Variants in MICAL3 observed in about 807,000 individuals in gnomAD.
MICAL3 encodes [F-actin]-monooxygenase MICAL3.
In MICAL3, 62 loss-of-function variants were observed where a neutral mutation model predicts 207.4. The ratio of observed to expected loss-of-function variants is 0.30; its 90% CI spans 0.24 to 0.37. The LOEUF is 0.37. Ranked by LOEUF, MICAL3 falls within the 10% of genes least tolerant of loss-of-function variation. MICAL3 has a pLI of 1.00. For synonymous variants in MICAL3, 1,077 were observed against 1,069.3 expected, an observed-to-expected ratio of 1.01 and a Z score of -0.14; for missense variants, 2,368 against 2,635.6, an observed-to-expected ratio of 0.90 and a Z score of 2.22.
intron 15 of MICAL3, 44 bp downstream of exon 15, chr22:17,887,123 GGGC>G (rs1569116359): frequency 6.9e-7 from 1 of 1,448,986 alleles, no homozygotes; most frequent in Non-Finnish European, 9.7e-7. Context: ...TAACCAAAAG[GGGC>G]TATTCCACAT....
At chr22:17,937,473 G>A (rs572571397) in intron 1 of MICAL3, among the ~76,000 whole-genome samples, 2 of 152,228 alleles carry the variant, frequency 1.3e-5, no homozygotes, top group Non-Finnish European at 2.9e-5. Flanking sequence ...AGACCAGCCT[G>A]ACCAACATGG....
In MICAL3 at chr22:17,900,090, C is replaced by A. The variant is rs1931192807; in HGVS notation, c.848-542G>T. Among the ~76,000 whole-genome samples the A allele has an allele frequency of 6.6e-6, 1 of 152,200 alleles. No individual in the cohort carries two copies. Among genetic ancestry groups the A allele is most frequent in the African/African-American group, 2.4e-5 (1 of 41,442 alleles). ...GTTGATCTATTCAAAACCTATCATA[C>A]AACAATCTCATCGCTATCTGACACA... On this transcript the variant is annotated intron_variant, in intron 6 of 31. Transcript: ENST00000441493. This position sits in a 1 kb window ranked among gnomAD's most constrained non-coding sequence, Gnocchi z 4.0.
chr22:18,011,489 GGTGAGCCGAGATCACTTGCA>G (rs1218561412), intron 1 of MICAL3, among the ~76,000 whole-genome samples: 3 of 151,820 alleles, frequency 2.0e-5, no homozygotes, highest in Non-Finnish European at 4.4e-5. Flanking sequence ...CGGAGGTTGC[GGTGAGCCGAGATCACTTGCA>G]GTGAGCCGAG....
chr22:17,804,441 T>C (rs998201396), intron 29 of MICAL3, among the ~76,000 whole-genome samples: 7 of 152,248 alleles, frequency 4.6e-5, no homozygotes, highest in African/African-American at 1.4e-4. Flanking sequence ...AAGGGGATCC[T>C]GTTTCGAGGC....
intron 1 of MICAL3, among the ~76,000 whole-genome samples, chr22:17,976,582 TATATATA>T (rs199822419): frequency 0.015 from 1,480 of 96,606 alleles, 26 homozygotes; most frequent in Non-Finnish European, 0.018. Context: ...TATATATATA[TATATATA>T]TTTTTTTTTT....
intron 1 of MICAL3, among the ~76,000 whole-genome samples, chr22:17,982,455 G>A (rs938013330): frequency 2.1e-4 from 32 of 152,198 alleles, no homozygotes; most frequent in African/African-American, 4.8e-4. Flanking sequence ...GGTGGATCAC[G>A]AGGAAAGGAG....
chr22:17,831,783 C>A (rs1321280894), intron 21 of MICAL3, 71 bp downstream of exon 21: 5 of 1,510,580 alleles, frequency 3.3e-6, no homozygotes, highest in Middle Eastern at 2.4e-4. Flanking sequence ...CCAGAAACCT[C>A]TTACACTCAC....
intron 1 of MICAL3, among the ~76,000 whole-genome samples, chr22:17,914,911 C>A (rs921653019): frequency 1.6e-4 from 24 of 152,240 alleles, no homozygotes; most frequent in African/African-American, 5.3e-4. Context: ...CCTAATACTA[C>A]TCCATCCATT....
intron 21 of MICAL3, among the ~76,000 whole-genome samples, 189 bp from the exon 22 acceptor site, chr22:17,827,970 GAC>G (rs1341589843): frequency 1.3e-5 from 2 of 151,874 alleles, no homozygotes; most frequent in Non-Finnish European, 2.9e-5. Context: ...TGGACACACA[GAC>G]ACACACGCAC....
Position 17,791,080 on chromosome 22 carries a change from G to A in MICAL3, c.5751-9C>T, listed in dbSNP as rs1292114657. On this transcript the variant is annotated splice_polypyrimidine_tract_variant and intron_variant, in intron 30 of 31. Transcript: ENST00000441493. ...GCTCCAGCTCCCGGGCACTGAGGAG[G>A]CAGGGCAGGAGGGAGACAAGCCACA... is the stretch of plus-strand genomic sequence containing the variant. The A allele has an allele frequency of 1.2e-6, 2 of 1,610,456 alleles. No individual in the cohort carries two copies. Among genetic ancestry groups the A allele is most frequent in the African/African-American group, 2.7e-5 (2 of 74,880 alleles).
At chr22:17,812,302 A>G (rs971686282) in intron 27 of MICAL3, among the ~76,000 whole-genome samples, 1 of 152,028 alleles carries the variant, frequency 6.6e-6, no homozygotes, top group Non-Finnish European at 1.5e-5. Context: ...GACCACATGC[A>G]CTCCAGCCGG....
At chr22:17,980,638 G>C (rs569643113) in intron 1 of MICAL3, among the ~76,000 whole-genome samples, 1 of 152,330 alleles carries the variant, frequency 6.6e-6, no homozygotes, top group Admixed American at 6.5e-5. Flanking sequence ...TGGCAACGGA[G>C]AAAAGGAGGC....
intron 1 of MICAL3, among the ~76,000 whole-genome samples, chr22:17,998,938 A>G (rs1922624069): frequency 6.6e-6 from 1 of 152,236 alleles, no homozygotes; most frequent in South Asian, 2.1e-4. Flanking sequence ...TTTCTAGAAC[A>G]TTAGATTTGA....
chr22:17,794,385 C>T (rs1294798472), intron 29 of MICAL3, among the ~76,000 whole-genome samples: 1 of 152,262 alleles, frequency 6.6e-6, no homozygotes, highest in Non-Finnish European at 1.5e-5. Context: ...AAGATGTCAC[C>T]ACAGGTATGT....
At chr22:18,000,822 C>T (rs1165718298) in intron 1 of MICAL3, among the ~76,000 whole-genome samples, 1 of 152,206 alleles carries the variant, frequency 6.6e-6, no homozygotes, top group Non-Finnish European at 1.5e-5. Context: ...CGCAGGAGCC[C>T]ACGCTTGGCG....
chr22:18,023,679 AGCTGCGCCGGCGCAGCGC>A, intron 1 of MICAL3, among the ~76,000 whole-genome samples: 1 of 152,284 alleles, frequency 6.6e-6, no homozygotes, highest in Non-Finnish European at 1.5e-5. Context: ...CACGCCCGGG[AGCTGCGCCGGCGCAGCGC>A]GCCCTGCAGC....
intron 1 of MICAL3, among the ~76,000 whole-genome samples, chr22:18,015,103 C>CATTT (rs1457078296): frequency 6.6e-6 from 1 of 152,126 alleles, no homozygotes; most frequent in Admixed American, 6.6e-5. Context: ...ATGGCCTTGG[C>CATTT]ATTTATTCAG....
intron 1 of MICAL3, among the ~76,000 whole-genome samples, chr22:17,970,117 G>A (rs927908045): frequency 2.6e-5 from 4 of 152,196 alleles, no homozygotes; most frequent in Non-Finnish European, 4.4e-5. Context: ...TGTCCCCAGA[G>A]AAGTCTCCCT....
intron 1 of MICAL3, among the ~76,000 whole-genome samples, chr22:17,929,352 C>T (rs1003097505): frequency 1.3e-5 from 2 of 150,900 alleles, no homozygotes; most frequent in Non-Finnish European, 2.9e-5. Flanking sequence ...ATCCTCCTGT[C>T]CTGGTCTCTC....
Sources: allele counts gnomAD v4.1 joint callset (sites outside exome capture counted in the v4.1 genomes callset), GRCh38; gene constraint gnomAD v4.1.1; non-coding constraint Gnocchi (gnomAD v3.1); transcripts MANE v1.5; gene names NCBI Gene and HGNC (gene_info 2026-07-23, HGNC 2026-07-21).